Variants in IL7 observed in about 807,000 individuals in gnomAD.
IL7 encodes interleukin 7.
IL7 carries 3 observed loss-of-function variants against 21.6 expected under a neutral mutation model. That is an observed-to-expected ratio of 0.14 (90% CI 0.06 to 0.36). The LOEUF is 0.36. Among genes scored for constraint, IL7 ranks in the 10% least tolerant of loss-of-function variants. IL7 has a pLI of 1.00. For missense variants in IL7, 175 were observed against 200.2 expected, an observed-to-expected ratio of 0.87 and a Z score of 0.76; for synonymous variants, 62 against 68.1, an observed-to-expected ratio of 0.91 and a Z score of 0.44.
chr8:78,772,497 G>C (rs1812991472), intron 2 of IL7, among the ~76,000 whole-genome samples: 2 of 152,100 alleles, frequency 1.3e-5, no homozygotes, highest in South Asian at 4.1e-4. Context: ...GACTACTTTT[G>C]ACTTGCGTTA....
chr8:78,780,379 T>C (rs1813289122), intron 2 of IL7, among the ~76,000 whole-genome samples: 1 of 152,180 alleles, frequency 6.6e-6, no homozygotes. Flanking sequence ...GTTTTATAAA[T>C]TTCTCGCTTA....
intron 3 of IL7, among the ~76,000 whole-genome samples, chr8:78,725,305 C>T (rs1473704867): frequency 6.6e-6 from 1 of 151,758 alleles, no homozygotes; most frequent in African/African-American, 2.4e-5. Context: ...CAAGAAGTGA[C>T]ACCCTTATTG....
downstream of IL7, among the ~76,000 whole-genome samples, chr8:78,728,732 T>G (rs1811375269): frequency 6.6e-6 from 1 of 151,954 alleles, no homozygotes; most frequent in African/African-American, 2.4e-5. Flanking sequence ...CTGTCAGTAC[T>G]TGGGGGGAGG....
chr8:78,713,510 A>G (rs1429720773), downstream of IL7, among the ~76,000 whole-genome samples: 2 of 152,226 alleles, frequency 1.3e-5, no homozygotes, highest in Non-Finnish European at 2.9e-5. Flanking sequence ...TTCTTTGACA[A>G]TGATTTCCTA....
At chr8:78,675,715 G>A, downstream of IL7, 2 of 1,372,032 alleles carry the variant, frequency 1.5e-6, no homozygotes, top group South Asian at 1.4e-5. Context: ...AAAACTAAGA[G>A]AAAACATTAA....
intron 4 of IL7, among the ~76,000 whole-genome samples, chr8:78,681,133 A>T (rs1314785727): frequency 6.6e-6 from 1 of 151,954 alleles, no homozygotes; most frequent in Non-Finnish European, 1.5e-5. Context: ...GTAATTACAC[A>T]GAGACGCCTT....
At chr8:78,704,347 C>T (rs1427909877) in intron 3 of IL7, among the ~76,000 whole-genome samples, 1 of 144,208 alleles carries the variant, frequency 6.9e-6, no homozygotes, top group East Asian at 2.0e-4. Context: ...GAGATTGCGC[C>T]ATTGTACTCC....
chr8:78,741,053 C>A (rs1811763803), intron 2 of IL7, among the ~76,000 whole-genome samples: 1 of 152,112 alleles, frequency 6.6e-6, no homozygotes, highest in African/African-American at 2.4e-5. Context: ...GCAATCTTAG[C>A]CTATGTAATG....
intron 4 of IL7, among the ~76,000 whole-genome samples, chr8:78,737,278 A>G (rs1811626919): frequency 6.6e-6 from 1 of 152,128 alleles, no homozygotes; most frequent in East Asian, 1.9e-4. Flanking sequence ...TATAATCAAC[A>G]CAGTATTTTC....
At chr8:78,770,212 A>C (rs1812904691) in intron 2 of IL7, among the ~76,000 whole-genome samples, 1 of 152,096 alleles carries the variant, frequency 6.6e-6, no homozygotes, top group South Asian at 2.1e-4. Context: ...TTGAATAAAG[A>C]AGCAGTACCC....
chr8:78,685,468 A>G (rs532448491), intron 4 of IL7, among the ~76,000 whole-genome samples: 2 of 152,212 alleles, frequency 1.3e-5, no homozygotes, highest in African/African-American at 4.8e-5. Flanking sequence ...TAATTAAAAC[A>G]TAATTATGCA....
intron 2 of IL7, among the ~76,000 whole-genome samples, chr8:78,775,890 G>A (rs1813121506): frequency 6.6e-6 from 1 of 151,956 alleles, no homozygotes; most frequent in South Asian, 2.1e-4. Context: ...ACACTTCCAT[G>A]CTAAATAAAT....
At chr8:78,757,960 C>G (rs1812408190) in intron 2 of IL7, among the ~76,000 whole-genome samples, 1 of 152,028 alleles carries the variant, frequency 6.6e-6, no homozygotes, top group African/African-American at 2.4e-5. Flanking sequence ...ATGAGAATTT[C>G]CTTATACAAG....
At position 78,697,287 on chromosome 8, in the gene IL7, A is replaced by G. The variant is rs903756187; in HGVS notation, n.215-11340T>C. The stretch of plus-strand genomic sequence containing the variant: ...ACCATCATCACCATTCATTTCCACA[A>G]CTCTTTTCATCTTGTAAGGCTGAAA... On this transcript the variant is annotated intron_variant and non_coding_transcript_variant, in intron 3 of 4. Transcript: ENST00000523959. 5.2e-6 allele frequency: 4 copies of G among 764,476 alleles called. No individual in the cohort carries two copies. The African/African-American group carries it at 5.3e-5, about 10-fold the overall frequency. 47.4% of individuals were successfully genotyped at this position (764,476 alleles called of 1,614,324 possible).
At chr8:78,778,322 CCTT>C (rs1322830052) in intron 2 of IL7, among the ~76,000 whole-genome samples, 2 of 152,168 alleles carry the variant, frequency 1.3e-5, no homozygotes. Flanking sequence ...ATTTTTGCCT[CCTT>C]AAGAACTATA....
intron 1 of IL7, 117 bp from the exon 2 acceptor site, chr8:78,798,325 G>A (rs999930069): frequency 7.3e-5 from 52 of 713,904 alleles, no homozygotes; most frequent in Admixed American, 4.3e-4. Flanking sequence ...ATCTTGGTTT[G>A]GAGATACTAC....
At chr8:78,689,286 T>C in intron 3 of IL7, 2 of 1,602,220 alleles carry the variant, frequency 1.2e-6, no homozygotes, top group Non-Finnish European at 1.7e-6. Context: ...GACATATAAA[T>C]TTCTGTAAAG....
intron 3 of IL7, among the ~76,000 whole-genome samples, chr8:78,739,300 T>A (rs1250887152): frequency 6.6e-6 from 1 of 152,110 alleles, no homozygotes; most frequent in East Asian, 1.9e-4. Flanking sequence ...GATAAGCAAA[T>A]ATTGAAAGAA....
Position 78,794,305 on chromosome 8 carries a change from A to G in IL7, c.147+3767T>C, listed in dbSNP as rs187330789. 4.6e-3 allele frequency among the ~76,000 whole-genome samples: 706 copies of G among 152,268 alleles called. 10 individuals are homozygous for G. Among genetic ancestry groups the G allele is most frequent in the African/African-American group, 0.016 (683 of 41,568 alleles). On this transcript the variant is annotated intron_variant, in intron 2 of 5. Coordinates refer to ENST00000263851, the MANE Select transcript of IL7 (RefSeq NM_000880.4). ...ACATGGCTTAAAAAATAAGGCTTGA[A>G]GGTTGAAACTACTCTTTGATTCACG...
Sources: gnomAD v4.1 joint callset for allele counts (sites outside exome capture counted in the v4.1 genomes callset) on GRCh38, gnomAD v4.1.1 for gene constraint, MANE v1.5 for transcripts, NCBI Gene and HGNC (gene_info 2026-07-23, HGNC 2026-07-21) for gene names.